ANKRD10: variants seen among roughly 807,000 people sequenced by gnomAD.
ANKRD10 encodes ankyrin repeat domain 10, also known as ankyrin repeat domain-containing protein 10.
In ANKRD10, 14 loss-of-function variants were observed where a neutral mutation model predicts 27.0. The observed-to-expected ratio is 0.52, with a 90% CI of 0.34 to 0.81. ANKRD10 has a LOEUF of 0.81. ANKRD10 is among the 40% of genes least tolerant of loss of function. The probability of loss-of-function intolerance (pLI) is 0.01; values close to 1 mark genes in which losing one functional copy is unlikely to be tolerated. For missense variants in ANKRD10, 493 were observed against 544.0 expected (o/e 0.91, Z 0.93); for synonymous variants, 250 against 224.5 (o/e 1.11, Z -1.01).
intron 4 of ANKRD10, among the ~76,000 whole-genome samples, chr13:110,888,876 G>A (rs1030225925): frequency 2.0e-5 from 3 of 152,126 alleles, no homozygotes; most frequent in African/African-American, 4.8e-5. Flanking sequence ...GATTAAGACC[G>A]AGCTGTGAAG....
intron 1 of ANKRD10, among the ~76,000 whole-genome samples, chr13:110,913,109 A>G (rs976275337): frequency 6.6e-6 from 1 of 152,246 alleles, no homozygotes. Flanking sequence ...TTTAATCCCC[A>G]GAGACAAGTG....
At chr13:110,912,089 A>T (rs1344860919) in intron 1 of ANKRD10, among the ~76,000 whole-genome samples, 1 of 152,216 alleles carries the variant, frequency 6.6e-6, no homozygotes, top group Non-Finnish European at 1.5e-5. Flanking sequence ...AATTTAGCGC[A>T]TTCAACAAAT....
chr13:110,880,069 T>C lies in ANKRD10; in HGVS notation c.831A>G (p.Gly277=), dbSNP rs570992556. ...SSSVSNTLTN[G]CVINGHLDFP... ...AGTCCAAATGTCCATTGATGACACA[T>C]CCATTTGTCAATGTATTCGATACGG... Residue 277 remains glycine (G), a synonymous_variant, in exon 6 of 6, where the codon GGA becomes GGG. Coordinates refer to ENST00000267339, the MANE Select transcript of ANKRD10 (RefSeq NM_017664.4). The C allele has an allele frequency of 7.4e-6, 12 of 1,614,170 alleles. No homozygotes were observed. Among genetic ancestry groups the C allele is most frequent in the South Asian group, 6.6e-5 (6 of 91,086 alleles).
At chr13:110,887,415 A>C (rs1034889621) in intron 4 of ANKRD10, among the ~76,000 whole-genome samples, 7 of 152,168 alleles carry the variant, frequency 4.6e-5, no homozygotes, top group Non-Finnish European at 1.0e-4. Flanking sequence ...GGTGGAGTGA[A>C]GACACTCCAG....
At chr13:110,889,930 T>G (rs2065031380) in intron 4 of ANKRD10, among the ~76,000 whole-genome samples, 1 of 152,218 alleles carries the variant, frequency 6.6e-6, no homozygotes, top group South Asian at 2.1e-4. Flanking sequence ...CTGTAACTTT[T>G]TTTGTTTTTA....
intron 4 of ANKRD10, 120 bp from the exon 5 acceptor site, chr13:110,883,913 A>AC: frequency 1.7e-6 from 2 of 1,180,150 alleles, no homozygotes; most frequent in African/African-American, 1.6e-5. Flanking sequence ...CATAAAAAAA[A>AC]ATCGACAGGT....
chr13:110,915,003 CGCCGCA>C lies in ANKRD10; in HGVS notation c.-75_-70del. 6.7e-7 allele frequency: 1 copy of C among 1,483,688 alleles called. No individual in the cohort carries two copies. Among genetic ancestry groups the C allele is most frequent in the Non-Finnish European group, 8.9e-7 (1 of 1,122,094 alleles). The allele number at this position is 1,483,688 out of a possible 1,614,324, so 91.9% of individuals were successfully genotyped here. On this transcript the variant is annotated 5_prime_UTR_variant, in exon 1 of 6. Coordinates refer to ENST00000267339, the MANE Select transcript of ANKRD10 (RefSeq NM_017664.4). Reference sequence around the variant, plus strand: ...CGTCGGGGAGGACTCGAGAAGCCGCCGCCGCAGCACAAAGGAACGAGACTAGCGCCG... The same window carrying C: ...CGTCGGGGAGGACTCGAGAAGCCGCCGCACAAAGGAACGAGACTAGCGCCG...
At position 110,879,201 on chromosome 13, in the gene ANKRD10, C is replaced by G. The variant is rs2064764498; in HGVS notation, c.*436G>C. The G allele has an allele frequency of 5.2e-6, 1 of 192,182 alleles. No homozygotes were observed. The highest frequency in any genetic ancestry group is 1.2e-4 in the East Asian group (1 of 8,668). 11.9% of individuals were successfully genotyped at this position (192,182 alleles called of 1,614,324 possible). On this transcript the variant is annotated 3_prime_UTR_variant, in exon 6 of 6. Coordinates refer to ENST00000267339, the MANE Select transcript of ANKRD10 (RefSeq NM_017664.4). ...GGCTGTACCTTGCATAGGGAAATAG[C>G]TGTGTTCCGTCAAATTCTACAGAAA... is the stretch of plus-strand genomic sequence containing the variant.
At position 110,893,036 on chromosome 13, in the gene ANKRD10, C is replaced by T. The variant is rs1361987496; in HGVS notation, c.683G>A (p.Arg228Lys). The T allele has an allele frequency of 2.5e-6, 4 of 1,613,962 alleles. No individual in the cohort carries two copies. The African/African-American group carries it at 4.0e-5, about 16-fold the overall frequency. ...DSEDFGVKKA[R>K]TEAQSLDSAV... ...CCGCAAAGCGGTCTCACCTTCAGTT[C>T]TAGCTTTCTTTACTCCAAAGTCTTC... is the stretch of plus-strand genomic sequence containing the variant. The change falls in exon 4 of 6, where the codon AGA (arginine) becomes AAA (lysine). Residue 228 changes from arginine (R) to lysine (K), a missense_variant. Physicochemically the swap from Arg to Lys is conservative, Grantham distance 26. Coordinates refer to ENST00000267339, the MANE Select transcript of ANKRD10 (RefSeq NM_017664.4).
At chr13:110,890,468 T>C (rs555233022) in intron 4 of ANKRD10, among the ~76,000 whole-genome samples, 2 of 152,250 alleles carry the variant, frequency 1.3e-5, no homozygotes, top group South Asian at 4.1e-4. Flanking sequence ...AAACACACTC[T>C]TGTGACGAGT....
chr13:110,899,820 G>GT (rs1231620725), intron 3 of ANKRD10, among the ~76,000 whole-genome samples: 1 of 28,076 alleles, frequency 3.6e-5, no homozygotes, highest in Non-Finnish European at 7.3e-5. Context: ...GTTCTGCTAA[G>GT]TAACTTGCAA....
intron 1 of ANKRD10, chr13:110,911,874 CTG>C (rs2065722396): frequency 6.6e-6 from 1 of 152,214 alleles, no homozygotes. Flanking sequence ...GTGTGCACAA[CTG>C]TGCACTTTTA....
chr13:110,883,551 A>G lies in ANKRD10; in HGVS notation c.787+147T>C, dbSNP rs555782421. 10 of 1,401,152 alleles carry G rather than the reference A, an allele frequency of 7.1e-6. No individual in the cohort carries two copies. In the African/African-American group the frequency reaches 1.3e-4, roughly 18 times the overall value. The allele number at this position is 1,401,152 out of a possible 1,614,324, so 86.8% of individuals were successfully genotyped here. ...AACTTATGTTAGAAATAATATGCAT[A>G]CTGATTCCTGCAACGACAGGGGGTC... is the stretch of plus-strand genomic sequence containing the variant. On this transcript the variant is annotated intron_variant, in intron 5 of 5. Transcript: ENST00000267339.
intron 3 of ANKRD10, among the ~76,000 whole-genome samples, chr13:110,901,472 A>C (rs929256255): frequency 1.3e-5 from 2 of 152,254 alleles, no homozygotes; most frequent in Non-Finnish European, 2.9e-5. Flanking sequence ...GCAAGGGAGA[A>C]AGACATTTGG....
chr13:110,910,476 T>C (rs2065663704), intron 2 of ANKRD10, 142 bp downstream of exon 2: 17 of 1,117,818 alleles, frequency 1.5e-5, no homozygotes, highest in Non-Finnish European at 2.1e-5. Context: ...CACAAACAAC[T>C]GAAGAAACAT....
rs553767976 is a variant in ANKRD10, at chr13:110,914,590, G to C, written c.210+135C>G. 1.4e-4 allele frequency: 184 copies of C among 1,330,010 alleles called. 1 individual carries two copies. The Admixed American group carries it at 2.5e-3, about 18-fold the overall frequency. 82.4% of individuals were successfully genotyped at this position (1,330,010 alleles called of 1,614,324 possible). A position where few individuals can be genotyped will look rare whatever the true frequency, so the allele number is the denominator to read the frequency against. ...GCCGCACAGGCGCCCTAGGCCCCTC[G>C]GGGCACAGGCGCCGTCGATCCCGCT... On this transcript the variant is annotated intron_variant, in intron 1 of 5. Coordinates refer to ENST00000267339, the MANE Select transcript of ANKRD10 (RefSeq NM_017664.4).
At chr13:110,903,213 A>T (rs1337318241) in intron 3 of ANKRD10, among the ~76,000 whole-genome samples, 2 of 152,216 alleles carry the variant, frequency 1.3e-5, no homozygotes, top group Non-Finnish European at 2.9e-5. Flanking sequence ...ACTACCATAT[A>T]AGCAAGATTA....
Position 110,912,010 on chromosome 13 carries a change from G to T in ANKRD10, c.211-1240C>A, listed in dbSNP as rs938783922. On this transcript the variant is annotated intron_variant, in intron 1 of 5. Coordinates refer to ENST00000267339, the MANE Select transcript of ANKRD10 (RefSeq NM_017664.4). ...AGCATAACTGAGCAATGCACCTAGTGGGTGACTAACATGGCAAGTTAAGAC... is the reference window on the plus strand; with the variant it reads ...AGCATAACTGAGCAATGCACCTAGTTGGTGACTAACATGGCAAGTTAAGAC... 3.3e-5 allele frequency among the ~76,000 whole-genome samples: 5 copies of T among 152,326 alleles called. 1 individual carries two copies. In the South Asian group the frequency reaches 6.2e-4, roughly 19 times the overall value.
At chr13:110,883,566 G>A (rs1214455026) in intron 5 of ANKRD10, 132 bp downstream of exon 5, 10 of 1,416,590 alleles carry the variant, frequency 7.1e-6, no homozygotes, top group Non-Finnish European at 9.3e-6. Context: ...TTCCTGCAAC[G>A]ACAGGGGGTC....
Sources: gnomAD v4.1 joint callset for allele counts (sites outside exome capture counted in the v4.1 genomes callset) on GRCh38, gnomAD v4.1.1 for gene constraint, MANE v1.5 for transcripts, NCBI Gene and HGNC (gene_info 2026-07-23, HGNC 2026-07-21) for gene names.